IQSEC1: variants seen among roughly 807,000 people sequenced by gnomAD.
The protein encoded by IQSEC1 is IQ motif and Sec7 domain ArfGEF 1.
In IQSEC1, 31 loss-of-function variants were observed where a neutral mutation model predicts 91.0. That is an observed-to-expected ratio of 0.34 (90% CI 0.26 to 0.46). The LOEUF (loss-of-function observed/expected upper bound fraction) is 0.46, where lower values mean the gene tolerates loss of function less well. Among genes scored for constraint, IQSEC1 ranks in the 20% least tolerant of loss-of-function variants. The pLI is 1.00. For synonymous variants in IQSEC1, 699 were observed against 662.6 expected (o/e 1.05, Z -0.84); for missense variants, 1,388 against 1,575.6 (o/e 0.88, Z 2.02).
intron 1 of IQSEC1, among the ~76,000 whole-genome samples, chr3:13,264,438 G>A (rs1159767281): frequency 5.3e-5 from 8 of 152,280 alleles, no homozygotes; most frequent in South Asian, 4.1e-4. Context: ...TCTTGTGTTC[G>A]CCTGGGTTCC....
At chr3:13,134,901 C>T (rs1470738532) in intron 2 of IQSEC1, among the ~76,000 whole-genome samples, 1 of 152,096 alleles carries the variant, frequency 6.6e-6, no homozygotes, top group Admixed American at 6.5e-5. Flanking sequence ...GAGGCAGGCC[C>T]GGGCCTGCCA....
intron 2 of IQSEC1, among the ~76,000 whole-genome samples, chr3:13,160,581 T>G (rs1186721707): frequency 6.6e-6 from 1 of 152,220 alleles, no homozygotes; most frequent in African/African-American, 2.4e-5. Context: ...CTCTGCCCAT[T>G]AATTTTAGTG....
At position 12,900,109 on chromosome 3, in the gene IQSEC1, T is replaced by A. The variant is rs1309933365; in HGVS notation, c.*874A>T. On this transcript the variant is annotated 3_prime_UTR_variant, in exon 14 of 14. Transcript: ENST00000613206. Reference sequence around the variant, plus strand: ...AGTGTACTGCAGTTTAGCTATTTGCTTACCTGAAATAACAGCATTATAATA... The same window carrying A: ...AGTGTACTGCAGTTTAGCTATTTGCATACCTGAAATAACAGCATTATAATA... The A allele has an allele frequency of 3.1e-6, 3 of 978,840 alleles. No homozygotes were observed. The highest frequency in any genetic ancestry group is 3.6e-6 in the Non-Finnish European group (3 of 824,106). 60.6% of individuals were successfully genotyped at this position (978,840 alleles called of 1,614,324 possible).
rs1364806027 is a variant in IQSEC1 at position 12,908,834 on chromosome 3, G to A, written c.2579-309C>T. Among the ~76,000 whole-genome samples, 1 of 152,026 alleles carries A rather than the reference G, an allele frequency of 6.6e-6. No individual in the cohort carries two copies. Among genetic ancestry groups the A allele is most frequent in the Non-Finnish European group, 1.5e-5 (1 of 67,978 alleles). On this transcript the variant is annotated intron_variant, in intron 11 of 13. Transcript: ENST00000613206. This position sits in a 1 kb window ranked among gnomAD's most constrained non-coding sequence, Gnocchi z 4.9. ...GAGAGATGAGCAAAGATTAGCCAGG[G>A]TCTTCCACAGAGAGGGCAGTGGTAG...
At chr3:13,161,885 C>A (rs751925281) in intron 2 of IQSEC1, among the ~76,000 whole-genome samples, 2 of 152,178 alleles carry the variant, frequency 1.3e-5, no homozygotes, top group Non-Finnish European at 2.9e-5. Flanking sequence ...TGTGCCAGTC[C>A]CCCTGCAACG....
chr3:13,210,014 G>A (rs1694414455), intron 1 of IQSEC1, among the ~76,000 whole-genome samples: 1 of 152,126 alleles, frequency 6.6e-6, no homozygotes. Flanking sequence ...AATGTCATAG[G>A]CTCACTGTGT....
At chr3:13,042,600 G>T (rs1704322665) in intron 1 of IQSEC1, among the ~76,000 whole-genome samples, 1 of 152,240 alleles carries the variant, frequency 6.6e-6, no homozygotes, top group South Asian at 2.1e-4. Flanking sequence ...CCCGGCTCAT[G>T]CTGCTGCTGT....
intron 1 of IQSEC1, among the ~76,000 whole-genome samples, chr3:12,974,039 C>T (rs2196014): frequency 0.19 from 29,321 of 152,116 alleles, 4,181 homozygotes; most frequent in East Asian, 0.75. Context: ...AGTTGACAAA[C>T]GGACTCACCT....
intron 1 of IQSEC1, among the ~76,000 whole-genome samples, chr3:13,024,475 ATCCATCCATCTG>A (rs1328088885): frequency 7.5e-6 from 1 of 134,200 alleles, no homozygotes. Context: ...CCATCCACCC[ATCCATCCATCTG>A]TCCATCCATT....
intron 1 of IQSEC1, among the ~76,000 whole-genome samples, chr3:13,263,842 G>A (rs1389956806): frequency 1.3e-5 from 2 of 152,078 alleles, no homozygotes; most frequent in African/African-American, 4.8e-5. Flanking sequence ...CGCCGGGCTG[G>A]GCGCACGCTT....
At chr3:13,260,872 G>A (rs1331130422) in intron 1 of IQSEC1, among the ~76,000 whole-genome samples, 2 of 152,206 alleles carry the variant, frequency 1.3e-5, no homozygotes, top group Admixed American at 6.5e-5. Flanking sequence ...CCTCTGTGCT[G>A]AGCAGGACAC....
chr3:13,060,208 G>A (rs532619664), intron 1 of IQSEC1, among the ~76,000 whole-genome samples: 2 of 152,342 alleles, frequency 1.3e-5, no homozygotes, highest in Admixed American at 6.5e-5. Context: ...TAGCAGGTAA[G>A]GGCCATCTTT....
chr3:13,189,966 C>T (rs1045656227), intron 1 of IQSEC1, among the ~76,000 whole-genome samples: 2 of 152,222 alleles, frequency 1.3e-5, no homozygotes, highest in Non-Finnish European at 2.9e-5. Flanking sequence ...CTCCCAGAGC[C>T]GTCATGCCTG....
At chr3:13,184,182 A>G (rs374633495) in intron 1 of IQSEC1, among the ~76,000 whole-genome samples, 4 of 152,332 alleles carry the variant, frequency 2.6e-5, no homozygotes, top group South Asian at 2.1e-4. Flanking sequence ...CATTACCCTG[A>G]TACCCAAACT....
intron 1 of IQSEC1, among the ~76,000 whole-genome samples, chr3:12,982,170 C>T (rs1047465707): frequency 2.6e-5 from 4 of 152,286 alleles, no homozygotes; most frequent in African/African-American, 7.2e-5. Context: ...TTCTCTTTTG[C>T]GCCCCATATT....
At chr3:13,040,954 C>T (rs528369296) in intron 1 of IQSEC1, among the ~76,000 whole-genome samples, 1 of 152,192 alleles carries the variant, frequency 6.6e-6, no homozygotes, top group African/African-American at 2.4e-5. Context: ...CCCAGGACTC[C>T]GGCGTCTGCA....
intron 1 of IQSEC1, chr3:12,986,827 C>G (rs1042832559): frequency 4.0e-6 from 1 of 252,720 alleles, no homozygotes; most frequent in Non-Finnish European, 8.3e-6. Flanking sequence ...GACCGAGACC[C>G]GGCAGGGGCT....
At chr3:12,961,986 T>C (rs1325447763) in intron 1 of IQSEC1, among the ~76,000 whole-genome samples, 2 of 152,242 alleles carry the variant, frequency 1.3e-5, no homozygotes, top group Non-Finnish European at 2.9e-5. Flanking sequence ...ACCATTGGGC[T>C]AAACATCCTG....
intron 1 of IQSEC1, among the ~76,000 whole-genome samples, chr3:13,256,275 C>T (rs1439560560): frequency 2.0e-5 from 3 of 152,098 alleles, no homozygotes; most frequent in Non-Finnish European, 4.4e-5. Flanking sequence ...CTTCTGTACA[C>T]GGTGATCTGC....
Sources: allele counts gnomAD v4.1 joint callset (sites outside exome capture counted in the v4.1 genomes callset), GRCh38; gene constraint gnomAD v4.1.1; non-coding constraint Gnocchi (gnomAD v3.1); transcripts MANE v1.5; gene names NCBI Gene and HGNC (gene_info 2026-07-23, HGNC 2026-07-21).